The following TMC8 variants were observed in gnomAD, a reference collection of about 807,000 sequenced individuals.
TMC8 encodes the protein transmembrane channel-like protein 8.
A neutral mutation model predicts 76.0 loss-of-function variants in TMC8; 71 were observed. The observed-to-expected ratio is 0.93, with a 90% CI of 0.77 to 1.14. The LOEUF is 1.14. TMC8 is among the 50% of genes most tolerant of loss of function. The pLI is 0.00. For synonymous variants in TMC8, 433 were observed against 433.8 expected, an observed-to-expected ratio of 1.00 and a Z score of 0.02; for missense variants, 924 against 947.9, an observed-to-expected ratio of 0.97 and a Z score of 0.33.
At chr17:78,131,796 C>T in intron 2 of TMC8, 59 bp downstream of exon 2, 1 of 1,530,498 alleles carries the variant, frequency 6.5e-7, no homozygotes, top group Non-Finnish European at 8.8e-7. Flanking sequence ...GCTGCCCCGT[C>T]GGATGGTGTG....
Position 78,131,682 on chromosome 17 carries a change from TCTGGGACGC to T in TMC8, c.96_104del (p.Gly33_Pro35del). 6.3e-7 allele frequency: 1 copy of T among 1,575,668 alleles called. No homozygotes were observed. The highest frequency in any genetic ancestry group is 1.2e-5 in the South Asian group (1 of 86,028). ...GGCAGAGATGGAGCGGCTGCGCGGC[TCTGGGACGC>T]CCGTGCGCGGGCTGCCCTATGCCAT... On this transcript the variant is annotated inframe_deletion, in exon 2 of 16. Coordinates refer to ENST00000318430, the MANE Select transcript of TMC8 (RefSeq NM_152468.5).
Position 78,140,982 on chromosome 17 carries a change from C to G in TMC8, c.2051C>G (p.Pro684Arg). The change falls in exon 16 of 16, where the codon CCG (proline) becomes CGG (arginine). Residue 684 changes from proline (P) to arginine (R), a missense_variant. Pro to Arg is a moderately radical substitution (Grantham distance 103). Transcript: ENST00000318430. ...CCCGGATGCCCATGCCCTGGCTCCC[C>G]GGGCCACCAGGCCCCGCGGCCGGGC... ...FCPGCPCPGS[P>R]GHQAPRPGPS... 1 of 1,592,896 alleles carries G rather than the reference C, an allele frequency of 6.3e-7. No individual in the cohort carries two copies. Among genetic ancestry groups the G allele is most frequent in the Non-Finnish European group, 8.5e-7 (1 of 1,170,562 alleles).
chr17:78,137,988 C>T lies in TMC8; in HGVS notation c.1350-17C>T, dbSNP rs572120302. The stretch of plus-strand genomic sequence containing the variant: ...CTGTCTGGAGTGGTGAGTACCTGGA[C>T]CCTCCCATCCCTGCAGGCTGCTGGT... On this transcript the variant is annotated splice_polypyrimidine_tract_variant and intron_variant, in intron 11 of 15. Transcript: ENST00000318430. 5.0e-6 allele frequency: 8 copies of T among 1,613,500 alleles called. No individual in the cohort carries two copies. In the East Asian group the frequency reaches 1.1e-4, roughly 22 times the overall value.
At chr17:78,134,839 G>A (rs539907543) in intron 8 of TMC8, 31 bp from the exon 9 acceptor site, 24 of 1,612,492 alleles carry the variant, frequency 1.5e-5, no homozygotes, top group African/African-American at 6.7e-5. Flanking sequence ...CCCCCAGCAC[G>A]CGGGCTCCCC....
At chr17:78,139,598 A>C (rs2075322168) in intron 15 of TMC8, among the ~76,000 whole-genome samples, 1 of 151,986 alleles carries the variant, frequency 6.6e-6, no homozygotes, top group Non-Finnish European at 1.5e-5. Flanking sequence ...ATTTTTTAAA[A>C]GGAGAATGTG....
rs892514198 is a variant in TMC8 at position 78,141,189 on chromosome 17, C to T, written c.*77C>T. On this transcript the variant is annotated 3_prime_UTR_variant, in exon 16 of 16. Coordinates refer to ENST00000318430, the MANE Select transcript of TMC8 (RefSeq NM_152468.5). ...ACTCCATCTTCCAGACCCCTGGCGACCACCGCCCCTCTCAGTGGCTCCAGG... is the reference window on the plus strand; with the variant it reads ...ACTCCATCTTCCAGACCCCTGGCGATCACCGCCCCTCTCAGTGGCTCCAGG... 2 of 1,041,740 alleles carry T rather than the reference C, an allele frequency of 1.9e-6. No individual in the cohort carries two copies. The highest frequency in any genetic ancestry group is 2.7e-6 in the Non-Finnish European group (2 of 749,420). 64.5% of individuals were successfully genotyped at this position (1,041,740 alleles called of 1,614,324 possible). A position where few individuals can be genotyped will look rare whatever the true frequency, so the allele number is the denominator to read the frequency against.
At chr17:78,137,030 G>C in intron 9 of TMC8, 1 of 687,776 alleles carries the variant, frequency 1.5e-6, no homozygotes, top group African/African-American at 1.8e-5. Flanking sequence ...CGAAAACACA[G>C]AACCCTTTTT....
In TMC8 at chr17:78,132,455, T is replaced by C; in HGVS notation, c.395T>C (p.Leu132Pro). The change falls in exon 4 of 16, where the codon CTG becomes CCG. Residue 132 changes from leucine (L) to proline (P), a missense_variant. By Grantham distance (98) the Leu-to-Pro change is moderately conservative. Transcript: ENST00000318430. ...LSLLLTASFV[L>P]LPLVWLRPPD... ...CTGCTGCTCACCGCAAGCTTCGTGC[T>C]GCTGCCCCTGGTCTGGCTCCGCCCC... 6.2e-7 allele frequency: 1 copy of C among 1,612,526 alleles called. No individual in the cohort carries two copies. The highest frequency in any genetic ancestry group is 8.5e-7 in the Non-Finnish European group (1 of 1,179,554).
In TMC8 at chr17:78,139,219, G is replaced by C; in HGVS notation, c.1881G>C (p.Arg627Ser). 6.2e-7 allele frequency: 1 copy of C among 1,613,646 alleles called. No individual in the cohort carries two copies. Among genetic ancestry groups the C allele is most frequent in the Non-Finnish European group, 8.5e-7 (1 of 1,180,032 alleles). Reference sequence around the variant, plus strand: ...AGGCCAATGCCAGGGCCATCCACAGGCTCCGGAAGCAGCTGGTGTGGGTGA... The same window carrying C: ...AGGCCAATGCCAGGGCCATCCACAGCCTCCGGAAGCAGCTGGTGTGGGTGA... The part of the protein sequence containing the change: ...QTQANARAIH[R>S]LRKQLVWQVQ... The change falls in exon 15 of 16, where the codon AGG (arginine) becomes AGC (serine). Residue 627 changes from arginine to serine, a missense_variant. Transcript: ENST00000318430.
intron 12 of TMC8, 72 bp from the exon 13 acceptor site, chr17:78,138,277 C>T (rs2075287681): frequency 6.2e-7 from 1 of 1,611,896 alleles, no homozygotes; most frequent in Admixed American, 1.7e-5. Context: ...CTCCTGCCCC[C>T]TTCCCTGGGT....
Position 78,132,838 on chromosome 17 carries a change from C to T in TMC8, c.499C>T (p.His167Tyr), listed in dbSNP as rs1165259291. The T allele has an allele frequency of 1.2e-6, 2 of 1,614,080 alleles. No homozygotes were observed. The highest frequency in any genetic ancestry group is 1.7e-6 in the Non-Finnish European group (2 of 1,180,020). Residue 167 changes from histidine (H) to tyrosine (Y), a missense_variant, in exon 5 of 16, where the codon CAC becomes TAC. Physicochemically the swap from His to Tyr is moderately conservative, Grantham distance 83. Coordinates refer to ENST00000318430, the MANE Select transcript of TMC8 (RefSeq NM_152468.5). ...GTCCCCGCCTGGCGTTTTGAGGTTC[C>T]ACAATCAACTTTGGCATGTTTTGAC... Reference protein sequence around the residue: ...RQSPPGVLRFHNQLWHVLTGR... With the variant: ...RQSPPGVLRFYNQLWHVLTGR...
chr17:78,132,224 A>T, intron 3 of TMC8, 135 bp from the exon 4 acceptor site: 1 of 1,383,612 alleles, frequency 7.2e-7, no homozygotes, highest in East Asian at 2.5e-5. Flanking sequence ...GGTGACTGTC[A>T]GCGGTACCTC....
rs137855965 is a variant in TMC8 at position 78,134,985 on chromosome 17, C to T, written c.1103C>T (p.Thr368Met). 1.5e-5 allele frequency: 25 copies of T among 1,613,946 alleles called. No individual in the cohort carries two copies. In the African/African-American group the frequency reaches 2.7e-4, roughly 17 times the overall value. Residue 368 changes from threonine (T) to methionine (M), a missense_variant, in exon 9 of 16, where the codon ACG becomes ATG. Thr to Met is a moderately conservative substitution (Grantham distance 81, BLOSUM62 -1). Transcript: ENST00000318430. ...LVQLENYPPN[T>M]EVNLTLIWCV... Reference sequence around the variant, plus strand: ...CAGCTGGAGAACTACCCTCCCAACACGGAGGTCAACCTCACTCTGATCTGG... The same window carrying T: ...CAGCTGGAGAACTACCCTCCCAACATGGAGGTCAACCTCACTCTGATCTGG...
At chr17:78,134,802 T>C in intron 8 of TMC8, 68 bp from the exon 9 acceptor site, 17 of 1,607,166 alleles carry the variant, frequency 1.1e-5, no homozygotes, top group Non-Finnish European at 1.4e-5. Flanking sequence ...TTTAGGGCAC[T>C]GTGGGGGGCG....
rs139756868 is a variant in TMC8 at position 78,138,117 on chromosome 17, G to A, written c.1462G>A (p.Gly488Ser). Residue 488 changes from glycine to serine, a missense_variant, in exon 12 of 16, where the codon GGC (glycine) becomes AGC (serine). Physicochemically the swap from Gly to Ser is moderately conservative, Grantham distance 56. Transcript: ENST00000318430. ...GGCGGGGCAGACGGTCACCTGGATG[G>A]GCCTCTTCTACTGCCCCCTGCTGCC... ...IVAGQTVTWM[G>S]LFYCPLLPLL... is the part of the protein sequence containing the mutation. 2,588 of 1,613,800 alleles carry A rather than the reference G, an allele frequency of 1.6e-3. 4 individuals carry two copies. The highest frequency in any genetic ancestry group is 2.0e-3 in the Non-Finnish European group (2,378 of 1,179,962).
intron 15 of TMC8, 67 bp downstream of exon 15, chr17:78,139,307 A>G (rs946809198): frequency 5.7e-6 from 9 of 1,581,722 alleles, no homozygotes; most frequent in African/African-American, 5.4e-5. Flanking sequence ...TGTGTGGCCG[A>G]GGGCCTAGAA....
intron 10 of TMC8, 68 bp downstream of exon 10, chr17:78,137,426 C>T: frequency 6.2e-7 from 1 of 1,610,298 alleles, no homozygotes; most frequent in Non-Finnish European, 8.5e-7. Context: ...TCAAACTGTG[C>T]AGAGCCCTGT....
chr17:78,141,381 A>AT lies in TMC8; in HGVS notation c.*275dup. On this transcript the variant is annotated 3_prime_UTR_variant, in exon 16 of 16. Coordinates refer to ENST00000318430, the MANE Select transcript of TMC8 (RefSeq NM_152468.5). The stretch of plus-strand genomic sequence containing the variant: ...ATTAGTATAGTATCTCTTGAATGCG[A>AT]TTTTTTCTAGAATGTGTTCTGCTGA... The AT allele has an allele frequency of 3.0e-6, 1 of 329,948 alleles. No individual in the cohort carries two copies. The highest frequency in any genetic ancestry group is 5.5e-6 in the Non-Finnish European group (1 of 182,246). The allele number at this position is 329,948 out of a possible 1,614,324, so 20.4% of individuals were successfully genotyped here.
Position 78,132,975 on chromosome 17 carries a change from C to T in TMC8, c.531+105C>T, listed in dbSNP as rs944662590. ...GACCTCTGCTCCTCCAGGGACATTTCGGCTCCTCAGGGGATGGTCTTACCT... is the reference window on the plus strand; with the variant it reads ...GACCTCTGCTCCTCCAGGGACATTTTGGCTCCTCAGGGGATGGTCTTACCT... On this transcript the variant is annotated intron_variant, in intron 5 of 15. Transcript: ENST00000318430. 33 of 1,338,374 alleles carry T rather than the reference C, an allele frequency of 2.5e-5. No homozygotes were observed. In the African/African-American group the frequency reaches 3.4e-4, roughly 14 times the overall value. The allele number at this position is 1,338,374 out of a possible 1,614,324, so 82.9% of individuals were successfully genotyped here. A position where few individuals can be genotyped will look rare whatever the true frequency, so the allele number is the denominator to read the frequency against.
Sources: gnomAD v4.1 joint callset for allele counts (sites outside exome capture counted in the v4.1 genomes callset) on GRCh38, gnomAD v4.1.1 for gene constraint, MANE v1.5 for transcripts, NCBI Gene and HGNC (gene_info 2026-07-23, HGNC 2026-07-21) for gene names.